SDC2: variants seen among roughly 807,000 people sequenced by gnomAD.
The protein encoded by SDC2 is syndecan 2, also known as syndecan-2.
SDC2 carries 13 observed loss-of-function variants against 22.2 expected under a neutral mutation model. The observed-to-expected ratio is 0.59, with a 90% CI of 0.38 to 0.93. The LOEUF (loss-of-function observed/expected upper bound fraction) is 0.93, where lower values mean the gene tolerates loss of function less well. Ranked by LOEUF, SDC2 falls within the 40% of genes least tolerant of loss-of-function variation. The probability of loss-of-function intolerance (pLI) is 0.00; values close to 1 mark genes in which losing one functional copy is unlikely to be tolerated. For missense variants in SDC2, 235 were observed against 246.8 expected (o/e 0.95, Z 0.32); for synonymous variants, 94 against 92.8 (o/e 1.01, Z -0.07).
intron 1 of SDC2, among the ~76,000 whole-genome samples, chr8:96,576,374 G>GTTTTTTTTTTTTTTTTTTTTTTTTTTTTT (rs1225034584): frequency 2.5e-5 from 1 of 40,632 alleles, no homozygotes; most frequent in African/African-American, 8.7e-5. Flanking sequence ...GTTTGTTTTT[G>GTTTTTTTTTTTTTTTTTTTTTTTTTTTTT]TTTTGTTTTG....
intron 1 of SDC2, among the ~76,000 whole-genome samples, chr8:96,506,801 G>A (rs1372508754): frequency 1.3e-5 from 2 of 152,144 alleles, no homozygotes; most frequent in East Asian, 3.9e-4. Context: ...CATGAGGTCA[G>A]GAGATCCAGA....
chr8:96,582,737 T>C (rs375485751), intron 1 of SDC2, among the ~76,000 whole-genome samples: 4 of 152,154 alleles, frequency 2.6e-5, no homozygotes, highest in Non-Finnish European at 5.9e-5. Context: ...CTCACTGGCA[T>C]GTCAGCCCTG....
At chr8:96,495,433 C>T (rs576038269) in intron 1 of SDC2, among the ~76,000 whole-genome samples, 2 of 152,314 alleles carry the variant, frequency 1.3e-5, no homozygotes, top group African/African-American at 4.8e-5. Flanking sequence ...CTGCCTCCAC[C>T]TGGGCGCCAG....
chr8:96,543,481 A>G (rs1813885046), intron 1 of SDC2, among the ~76,000 whole-genome samples: 1 of 152,226 alleles, frequency 6.6e-6, no homozygotes, highest in African/African-American at 2.4e-5. Flanking sequence ...ACATCATGTA[A>G]TCTGAACAAA....
chr8:96,602,425 T>G lies in SDC2; in HGVS notation c.203T>G (p.Leu68Arg). Residue 68 changes from leucine to arginine, a missense_variant, in exon 3 of 5, where the codon CTG becomes CGG. Leu to Arg is a moderately radical substitution (Grantham distance 102). Coordinates refer to ENST00000302190, the MANE Select transcript of SDC2 (RefSeq NM_002998.4). Reference sequence around the variant, plus strand: ...GATGAGGATGTAGAGAGTCCAGAGCTGACAACATCTCGACCACTTCCAAAG... The same window carrying G: ...GATGAGGATGTAGAGAGTCCAGAGCGGACAACATCTCGACCACTTCCAAAG... ...GADEDVESPE[L>R]TTSRPLPKIL... 1 of 1,614,154 alleles carries G rather than the reference T, an allele frequency of 6.2e-7. No homozygotes were observed. The highest frequency in any genetic ancestry group is 8.5e-7 in the Non-Finnish European group (1 of 1,179,988).
intron 1 of SDC2, among the ~76,000 whole-genome samples, chr8:96,576,247 A>C (rs1814488836): frequency 6.6e-6 from 1 of 151,870 alleles, no homozygotes. Flanking sequence ...TGTCACCTGA[A>C]GTTTTTTCAG....
intron 1 of SDC2, among the ~76,000 whole-genome samples, chr8:96,591,037 T>A (rs1336982604): frequency 6.6e-6 from 1 of 152,136 alleles, no homozygotes; most frequent in East Asian, 1.9e-4. Flanking sequence ...GCCAGTGTGG[T>A]TGAACGGTGA....
In SDC2 at chr8:96,610,510, GT is replaced by G. The variant is rs1157131607; in HGVS notation, c.*965del. 1 of 152,406 alleles carries G rather than the reference GT, an allele frequency of 6.6e-6. No individual in the cohort carries two copies. Among genetic ancestry groups the G allele is most frequent in the Non-Finnish European group, 1.5e-5 (1 of 68,006 alleles). The allele number at this position is 152,406 out of a possible 1,614,324, so 9.4% of individuals were successfully genotyped here. On this transcript the variant is annotated 3_prime_UTR_variant, in exon 5 of 5. Transcript: ENST00000302190. ...CTGGTGTTAATGAGTATATGTAACA[GT>G]TTAAAAAAAAAGTTGGTATTTTATA...
At chr8:96,527,564 G>T (rs1440016103) in intron 1 of SDC2, among the ~76,000 whole-genome samples, 1 of 152,182 alleles carries the variant, frequency 6.6e-6, no homozygotes, top group African/African-American at 2.4e-5. Flanking sequence ...TGCTCTGTAA[G>T]TGGCAAGTCC....
intron 1 of SDC2, among the ~76,000 whole-genome samples, chr8:96,588,834 A>G (rs527272338): frequency 1.8e-3 from 268 of 152,378 alleles, no homozygotes; most frequent in African/African-American, 6.2e-3. Flanking sequence ...ACCTCTGCTT[A>G]GTAGGTAAGG....
At chr8:96,596,579 G>A (rs2130640692) in intron 2 of SDC2, among the ~76,000 whole-genome samples, 1 of 152,288 alleles carries the variant, frequency 6.6e-6, no homozygotes, top group South Asian at 2.1e-4. Context: ...TCTAATGAAA[G>A]AAATACAAAC....
Position 96,550,438 on chromosome 8 carries a change from G to A in SDC2, c.61-43042G>A, listed in dbSNP as rs531399856. ...ATTTTGGATAAGGGACACTCAACCC[G>A]TTTAATCCAAGCACTTGGTGGAGAA... is the stretch of plus-strand genomic sequence containing the variant. On this transcript the variant is annotated intron_variant, in intron 1 of 4. Coordinates refer to ENST00000302190, the MANE Select transcript of SDC2 (RefSeq NM_002998.4). Among the ~76,000 whole-genome samples, 85 of 152,298 alleles carry A rather than the reference G, an allele frequency of 5.6e-4. 1 individual carries two copies. Among genetic ancestry groups the A allele is most frequent in the Middle Eastern group, 6.8e-3 (2 of 294 alleles).
intron 1 of SDC2, among the ~76,000 whole-genome samples, chr8:96,540,634 C>G (rs571806986): frequency 6.6e-6 from 1 of 152,048 alleles, no homozygotes. Flanking sequence ...ACACTCCTTT[C>G]CCCCAACACT....
rs11304418 is a variant in SDC2 at position 96,565,084 on chromosome 8, A to ATTT, written c.61-28383_61-28381dup. 7.7e-4 allele frequency among the ~76,000 whole-genome samples: 52 copies of ATTT among 67,816 alleles called. 6 individuals are homozygous for ATTT. Among genetic ancestry groups the ATTT allele is most frequent in the Non-Finnish European group, 8.8e-4 (30 of 34,148 alleles). 44.5% of individuals were successfully genotyped at this position (67,816 alleles called of 152,430 possible). On this transcript the variant is annotated intron_variant, in intron 1 of 4. Coordinates refer to ENST00000302190, the MANE Select transcript of SDC2 (RefSeq NM_002998.4). ...GATCACTGAGACCATCCTAAATTTG[A>ATTT]TTTTTTTTTTTTTTTGTTGAGATGG... is the stretch of plus-strand genomic sequence containing the variant.
Position 96,611,244 on chromosome 8 carries a change from C to CT in SDC2, c.*1699dup, listed in dbSNP as rs1025139291. On this transcript the variant is annotated 3_prime_UTR_variant, in exon 5 of 5. Coordinates refer to ENST00000302190, the MANE Select transcript of SDC2 (RefSeq NM_002998.4). ...AGTTATGAGGGTACTGTGGCTGGTACTTTCTGTACTAAACATTTCCTTTTT... is the reference window on the plus strand; with the variant it reads ...AGTTATGAGGGTACTGTGGCTGGTACTTTTCTGTACTAAACATTTCCTTTTT... 1.4e-4 allele frequency: 22 copies of CT among 152,380 alleles called. No individual in the cohort carries two copies. Among genetic ancestry groups the CT allele is most frequent in the African/African-American group, 4.6e-4 (19 of 41,558 alleles). 9.4% of individuals were successfully genotyped at this position (152,380 alleles called of 1,614,324 possible).
chr8:96,584,401 T>C (rs1042969417), intron 1 of SDC2, among the ~76,000 whole-genome samples: 3 of 152,252 alleles, frequency 2.0e-5, no homozygotes, highest in African/African-American at 4.8e-5. Context: ...ATTGTAGCAG[T>C]TGAAAAACCC....
rs116339671 is a variant in SDC2, at chr8:96,494,349, A to G, written c.60+18A>G. On this transcript the variant is annotated intron_variant, in intron 1 of 4. Transcript: ENST00000302190. ...CGGAGTCGGTGAGTGGGCCAGGCGGAGGATGCGCGCGCCGTTTAGGGTGTT... is the reference window on the plus strand; with the variant it reads ...CGGAGTCGGTGAGTGGGCCAGGCGGGGGATGCGCGCGCCGTTTAGGGTGTT... The G allele has an allele frequency of 2.9e-3, 4,390 of 1,537,732 alleles. 119 individuals carry two copies. The African/African-American group carries it at 0.052, about 18-fold the overall frequency.
At chr8:96,505,755 T>C (rs192777992) in intron 1 of SDC2, among the ~76,000 whole-genome samples, 1 of 152,362 alleles carries the variant, frequency 6.6e-6, no homozygotes, top group East Asian at 1.9e-4. Context: ...GCTGATTAGT[T>C]ATTGAATTAA....
intron 1 of SDC2, among the ~76,000 whole-genome samples, chr8:96,515,375 TC>T (rs1462764882): frequency 3.9e-5 from 6 of 152,216 alleles, no homozygotes; most frequent in African/African-American, 1.4e-4. Context: ...CCATTTCCTC[TC>T]TTAGAGATGC....
Sources: allele counts gnomAD v4.1 joint callset (sites outside exome capture counted in the v4.1 genomes callset), GRCh38; gene constraint gnomAD v4.1.1; transcripts MANE v1.5; gene names NCBI Gene and HGNC (gene_info 2026-07-23, HGNC 2026-07-21).